The following TEAD1 variants were observed in gnomAD, a reference collection of about 807,000 sequenced individuals.
TEAD1 encodes the protein TEA domain transcription factor 1.
Under a neutral mutation model 54.9 loss-of-function variants are expected in TEAD1, and 9 were observed. The ratio of observed to expected loss-of-function variants is 0.16; its 90% CI spans 0.10 to 0.29. The LOEUF is 0.29. TEAD1 is among the 10% of genes least tolerant of loss of function. The pLI is 1.00. For missense variants in TEAD1, 387 were observed against 535.9 expected, an observed-to-expected ratio of 0.72 and a Z score of 2.74; for synonymous variants, 200 against 187.8, an observed-to-expected ratio of 1.07 and a Z score of -0.53.
rs559959411 is a variant in TEAD1, at chr11:12,732,462, G to A, written c.-54-31717G>A. Reference sequence around the variant, plus strand: ...TAACTCTGGGGATGAGGGCTTGGTGGTGGTGGGTATCACAGTGGTGAAGAA... The same window carrying A: ...TAACTCTGGGGATGAGGGCTTGGTGATGGTGGGTATCACAGTGGTGAAGAA... On this transcript the variant is annotated intron_variant, in intron 2 of 12. Transcript: ENST00000527636. Among the ~76,000 whole-genome samples the A allele has an allele frequency of 3.9e-5, 6 of 152,304 alleles. No individual in the cohort carries two copies. The South Asian group carries it at 1.0e-3, about 26-fold the overall frequency.
intron 10 of TEAD1, among the ~76,000 whole-genome samples, chr11:12,903,735 C>T (rs1409173064): frequency 6.6e-6 from 1 of 152,108 alleles, no homozygotes; most frequent in Non-Finnish European, 1.5e-5. Flanking sequence ...TAGCTTGAGC[C>T]CAGGAGGTCG....
chr11:12,763,651 C>T (rs1945146198), intron 2 of TEAD1, among the ~76,000 whole-genome samples: 1 of 152,186 alleles, frequency 6.6e-6, no homozygotes, highest in African/African-American at 2.4e-5. Flanking sequence ...AACAGAGTTT[C>T]CGAGTTATGA....
chr11:12,818,807 A>T (rs571057714), intron 3 of TEAD1, among the ~76,000 whole-genome samples: 2 of 152,342 alleles, frequency 1.3e-5, no homozygotes, highest in South Asian at 4.1e-4. Context: ...TGTAACCTTT[A>T]TCATGCTTAG....
At chr11:12,820,826 TA>T (rs1946529357) in intron 3 of TEAD1, among the ~76,000 whole-genome samples, 1 of 152,174 alleles carries the variant, frequency 6.6e-6, no homozygotes, top group South Asian at 2.1e-4. Context: ...TACATTAACT[TA>T]AATAAATCAA....
intron 3 of TEAD1, among the ~76,000 whole-genome samples, chr11:12,788,865 C>CT (rs1945738220): frequency 6.6e-6 from 1 of 152,208 alleles, no homozygotes; most frequent in Non-Finnish European, 1.5e-5. Context: ...TAGCTGTTTT[C>CT]TTAAGCAGGG....
At chr11:12,749,345 A>G (rs562996125) in intron 2 of TEAD1, among the ~76,000 whole-genome samples, 5 of 152,252 alleles carry the variant, frequency 3.3e-5, no homozygotes, top group African/African-American at 1.2e-4. Context: ...TTGTTCCTCT[A>G]CCAGGGTTAA....
intron 3 of TEAD1, among the ~76,000 whole-genome samples, chr11:12,856,819 A>C (rs541016615): frequency 2.0e-5 from 3 of 152,074 alleles, no homozygotes; most frequent in Non-Finnish European, 4.4e-5. Flanking sequence ...CATGGGTGTG[A>C]GTTTGCCTTA....
intron 2 of TEAD1, among the ~76,000 whole-genome samples, chr11:12,763,144 G>A (rs138326996): frequency 2.9e-4 from 44 of 152,264 alleles, no homozygotes; most frequent in Non-Finnish European, 6.3e-4. Flanking sequence ...TCACATTGAC[G>A]TTATGCCAGT....
intron 11 of TEAD1, among the ~76,000 whole-genome samples, chr11:12,928,476 G>GT (rs1027286046): frequency 6.6e-6 from 1 of 151,798 alleles, no homozygotes; most frequent in African/African-American, 2.4e-5. Context: ...TAGAAATGTG[G>GT]TTTCGCTGGT....
chr11:12,688,898 A>T (rs1263541563), intron 2 of TEAD1, among the ~76,000 whole-genome samples: 26 of 152,108 alleles, frequency 1.7e-4, no homozygotes, highest in Non-Finnish European at 1.0e-4. Flanking sequence ...CGAATAACAT[A>T]GGCTGGTCTG....
At chr11:12,760,008 G>A (rs1233578486) in intron 2 of TEAD1, among the ~76,000 whole-genome samples, 3 of 152,240 alleles carry the variant, frequency 2.0e-5, no homozygotes, top group Non-Finnish European at 4.4e-5. Flanking sequence ...AGAATTAGAT[G>A]AGTGTTAGAA....
chr11:12,876,012 G>C (rs533069505), intron 5 of TEAD1, among the ~76,000 whole-genome samples: 1 of 152,172 alleles, frequency 6.6e-6, no homozygotes, highest in Non-Finnish European at 1.5e-5. Context: ...GGCAGGGACA[G>C]GTTTGAAGCC....
chr11:12,720,946 G>A (rs1944182951), intron 2 of TEAD1, among the ~76,000 whole-genome samples: 1 of 152,218 alleles, frequency 6.6e-6, no homozygotes, highest in South Asian at 2.1e-4. Context: ...CTTCTCAGAA[G>A]TTAACTCATC....
intron 3 of TEAD1, among the ~76,000 whole-genome samples, chr11:12,827,187 G>A (rs1438827027): frequency 6.6e-6 from 1 of 152,216 alleles, no homozygotes; most frequent in Non-Finnish European, 1.5e-5. Flanking sequence ...AGTGGACTAT[G>A]CCTGAGTTTT....
intron 3 of TEAD1, among the ~76,000 whole-genome samples, chr11:12,782,022 C>T (rs1021109879): frequency 1.3e-5 from 2 of 149,252 alleles, no homozygotes; most frequent in African/African-American, 2.5e-5. Context: ...TGGTAGTGCA[C>T]ACCTGTAGCC....
Position 12,937,136 on chromosome 11 carries a change from ACT to A in TEAD1, c.1198_1199del (p.Leu400ThrfsTer8). On this transcript the variant is annotated frameshift_variant, in exon 13 of 13. Transcript: ENST00000527636. LOFTEE classifies it high-confidence loss of function. ...GGTAACAAACAGGGATACACAAGAA[ACT>A]CTACTCTGCATGGCCTGTGTGTTTG... 1 of 1,613,742 alleles carries A rather than the reference ACT, an allele frequency of 6.2e-7. No individual in the cohort carries two copies.
At chr11:12,892,043 G>C (rs1355460763) in intron 9 of TEAD1, among the ~76,000 whole-genome samples, 1 of 152,254 alleles carries the variant, frequency 6.6e-6, no homozygotes, top group Non-Finnish European at 1.5e-5. Context: ...GGGACTGGCA[G>C]GCCTGTGGTT....
In TEAD1 at chr11:12,937,206, G is replaced by A. The variant is rs1203691961; in HGVS notation, c.1265G>A (p.Arg422Lys). 2.5e-6 allele frequency: 4 copies of A among 1,612,194 alleles called. No individual in the cohort carries two copies. The highest frequency in any genetic ancestry group is 1.6e-4 in the Middle Eastern group (1 of 6,074). ...CACGGAGCACAACATCATATTTACAGGCTTGTAAAGGACTGAACATGGTTA... is the reference window on the plus strand; with the variant it reads ...CACGGAGCACAACATCATATTTACAAGCTTGTAAAGGACTGAACATGGTTA... The change falls in exon 13 of 13, where the codon AGG becomes AAG. Residue 422 changes from arginine (R) to lysine (K), a missense_variant. Arg to Lys is a conservative substitution (Grantham distance 26, BLOSUM62 2). Around this residue, in one of 5 missense-constraint regions of TEAD1, gnomAD observed 123 missense variants for 199.0 expected, o/e 0.62. Transcript: ENST00000527636.
intron 3 of TEAD1, among the ~76,000 whole-genome samples, chr11:12,839,947 C>T (rs1946988912): frequency 6.6e-6 from 1 of 151,938 alleles, no homozygotes; most frequent in Non-Finnish European, 1.5e-5. Flanking sequence ...TCGGAGGCAG[C>T]TTTAAGAGAC....
Sources: allele counts gnomAD v4.1 joint callset (sites outside exome capture counted in the v4.1 genomes callset), GRCh38; gene constraint gnomAD v4.1.1; regional missense constraint gnomAD v4.1.1; transcripts MANE v1.5; gene names NCBI Gene and HGNC (gene_info 2026-07-23, HGNC 2026-07-21).